DPYD: variants seen among roughly 807,000 people sequenced by gnomAD.
DPYD encodes the protein dihydropyrimidine dehydrogenase, also known as dihydropyrimidine dehydrogenase [NADP(+)].
Under a neutral mutation model 116.2 loss-of-function variants are expected in DPYD, and 109 were observed. That is an observed-to-expected ratio of 0.94 (90% CI 0.80 to 1.10). DPYD has a LOEUF of 1.10. Ranked by LOEUF, DPYD falls within the 50% of genes least tolerant of loss-of-function variation. DPYD has a pLI of 0.00. For synonymous variants in DPYD, 440 were observed against 432.0 expected, an observed-to-expected ratio of 1.02 and a Z score of -0.23; for missense variants, 1,302 against 1,254.5, an observed-to-expected ratio of 1.04 and a Z score of -0.57.
At chr1:97,229,586 ATATAC>A (rs1661451935) in intron 19 of DPYD, among the ~76,000 whole-genome samples, 1 of 63,538 alleles carries the variant, frequency 1.6e-5, no homozygotes, top group East Asian at 5.5e-4. Flanking sequence ...ATATATATAT[ATATAC>A]TGATTTTAAT....
intron 16 of DPYD, among the ~76,000 whole-genome samples, chr1:97,314,614 T>A (rs1443147352): frequency 1.3e-5 from 2 of 151,120 alleles, no homozygotes; most frequent in African/African-American, 4.9e-5. Flanking sequence ...GACTCTCAGA[T>A]CCTCTCCACC....
intron 14 of DPYD, among the ~76,000 whole-genome samples, chr1:97,434,600 G>A (rs921747411): frequency 2.0e-5 from 3 of 151,840 alleles, no homozygotes; most frequent in African/African-American, 7.2e-5. Context: ...CTTCCCTCTG[G>A]CTGATTACCT....
intron 18 of DPYD, among the ~76,000 whole-genome samples, chr1:97,272,000 A>G (rs1464325164): frequency 6.6e-6 from 1 of 152,262 alleles, no homozygotes; most frequent in East Asian, 1.9e-4. Context: ...TCTTTCTGCA[A>G]TTTGAACTTA....
At chr1:97,872,584 ATC>A (rs1671711366) in intron 2 of DPYD, among the ~76,000 whole-genome samples, 1 of 151,976 alleles carries the variant, frequency 6.6e-6, no homozygotes, top group Admixed American at 6.6e-5. Context: ...TGGAGAATAA[ATC>A]TCTGACAACA....
intron 8 of DPYD, among the ~76,000 whole-genome samples, chr1:97,620,296 C>G (rs1656556511): frequency 1.3e-5 from 2 of 152,094 alleles, no homozygotes; most frequent in Non-Finnish European, 2.9e-5. Flanking sequence ...CACACTATAA[C>G]CTCAAATTCC....
chr1:97,850,714 T>C (rs1280387113), intron 2 of DPYD, among the ~76,000 whole-genome samples: 2 of 151,734 alleles, frequency 1.3e-5, no homozygotes, highest in Middle Eastern at 3.2e-3. Context: ...GTGTCATCTA[T>C]AGAATTCGGT....
intron 6 of DPYD, among the ~76,000 whole-genome samples, chr1:97,698,382 C>G (rs2100969423): frequency 6.6e-6 from 1 of 151,806 alleles, no homozygotes; most frequent in East Asian, 1.9e-4. Context: ...TTGGGCTTAG[C>G]ATATTGTTGT....
chr1:97,783,274 C>T (rs1483371407), intron 3 of DPYD, among the ~76,000 whole-genome samples: 1 of 152,198 alleles, frequency 6.6e-6, no homozygotes, highest in Non-Finnish European at 1.5e-5. Context: ...AGATGACTTA[C>T]ACCACAGAAA....
At chr1:97,915,759 C>A (rs1179309315) in intron 1 of DPYD, among the ~76,000 whole-genome samples, 2 of 152,064 alleles carry the variant, frequency 1.3e-5, no homozygotes, top group East Asian at 1.9e-4. Flanking sequence ...AAGGGCTCTG[C>A]AACATATTTG....
intron 18 of DPYD, among the ~76,000 whole-genome samples, chr1:97,296,456 CTATT>C (rs1215274985): frequency 2.6e-5 from 4 of 152,016 alleles, no homozygotes; most frequent in Admixed American, 6.6e-5. Context: ...ATGATAAACT[CTATT>C]TAAGAATAAT....
intron 13 of DPYD, among the ~76,000 whole-genome samples, chr1:97,471,890 C>T (rs1049929856): frequency 6.6e-6 from 1 of 152,154 alleles, no homozygotes; most frequent in Non-Finnish European, 1.5e-5. Flanking sequence ...ACGCCCATCC[C>T]GTCCCCCTCT....
intron 3 of DPYD, among the ~76,000 whole-genome samples, chr1:97,754,235 T>C (rs892953618): frequency 2.0e-5 from 3 of 152,120 alleles, no homozygotes; most frequent in Admixed American, 6.6e-5. Flanking sequence ...AGATGACCTA[T>C]TCATTAAGAG....
intron 13 of DPYD, among the ~76,000 whole-genome samples, chr1:97,487,456 G>A (rs944929483): frequency 2.6e-5 from 4 of 151,970 alleles, no homozygotes; most frequent in South Asian, 2.1e-4. Flanking sequence ...GGCGGATCAC[G>A]AGGTCAGGAG....
intron 19 of DPYD, among the ~76,000 whole-genome samples, chr1:97,208,226 T>TTTCTTTCTCTTTC (rs756409357): frequency 6.6e-6 from 1 of 151,698 alleles, no homozygotes; most frequent in East Asian, 1.9e-4. Flanking sequence ...CTTTGTTTCT[T>TTTCTTTCTCTTTC]TTCTTTCTCT....
At chr1:97,275,025 CCT>C (rs1228102943) in intron 18 of DPYD, among the ~76,000 whole-genome samples, 16 of 151,988 alleles carry the variant, frequency 1.1e-4, no homozygotes, top group African/African-American at 3.9e-4. Context: ...GGTAGAAATG[CCT>C]CTGTGTCTAA....
chr1:97,583,875 C>T (rs1653886670), intron 10 of DPYD, among the ~76,000 whole-genome samples: 2 of 152,078 alleles, frequency 1.3e-5, no homozygotes, highest in Non-Finnish European at 2.9e-5. Flanking sequence ...AATAAACATA[C>T]ATGTGCATGT....
intron 3 of DPYD, among the ~76,000 whole-genome samples, chr1:97,772,844 T>C (rs1444069792): frequency 3.3e-5 from 5 of 152,098 alleles, no homozygotes; most frequent in Admixed American, 1.3e-4. Context: ...TTACAAAGAA[T>C]AGAAATATTT....
intron 16 of DPYD, among the ~76,000 whole-genome samples, chr1:97,357,507 G>A (rs189004770): frequency 4.5e-4 from 68 of 152,058 alleles, no homozygotes; most frequent in South Asian, 1.5e-3. Context: ...TAAGGCTCTT[G>A]CTTGATTGGT....
chr1:97,317,721 T>C (rs971235812), intron 16 of DPYD, among the ~76,000 whole-genome samples: 1 of 151,986 alleles, frequency 6.6e-6, no homozygotes, highest in African/African-American at 2.4e-5. Context: ...TGGGGCACCA[T>C]TCTGCCCTGG....
Sources: allele counts gnomAD v4.1 joint callset (sites outside exome capture counted in the v4.1 genomes callset), GRCh38; gene constraint gnomAD v4.1.1; transcripts MANE v1.5; gene names NCBI Gene and HGNC (gene_info 2026-07-23, HGNC 2026-07-21).